Variants in CES5A observed in about 807,000 individuals in gnomAD.
CES5A encodes carboxylesterase 5A.
A neutral mutation model predicts 62.9 loss-of-function variants in CES5A; 67 were observed. The observed-to-expected ratio is 1.07, with a 90% confidence interval of 0.88 to 1.31. The LOEUF (loss-of-function observed/expected upper bound fraction) is 1.31, where lower values mean the gene tolerates loss of function less well. Ranked by LOEUF, CES5A falls within the 50% of genes most tolerant of loss-of-function variation. The pLI is 0.00. For synonymous variants in CES5A, 296 were observed against 280.8 expected (o/e 1.05, Z -0.54); for missense variants, 748 against 708.5 (o/e 1.06, Z -0.63).
chr16:55,869,681 C>A lies in CES5A; in HGVS notation c.481G>T (p.Ala161Ser), dbSNP rs552972383. Reference protein sequence around the residue: ...TGSASIFDGSALAAYEDVLVV... With the variant: ...TGSASIFDGSSLAAYEDVLVV... ...AGCACGTCCTCATAGGCAGCCAGGG[C>A]GGACCCATCAAAGATGGAGGCTGAG... is the stretch of plus-strand genomic sequence containing the variant. Residue 161 changes from alanine (A) to serine (S), a missense_variant, in exon 4 of 13, where the codon GCC becomes TCC. Coordinates refer to ENST00000290567, the MANE Select transcript of CES5A (RefSeq NM_001143685.2). 5.6e-6 allele frequency: 9 copies of A among 1,610,226 alleles called. No individual in the cohort carries two copies. In the African/African-American group the frequency reaches 6.7e-5, roughly 12 times the overall value.
At chr16:55,923,974 C>G (rs998082074) in intron 1 of CES5A, among the ~76,000 whole-genome samples, 4 of 151,650 alleles carry the variant, frequency 2.6e-5, no homozygotes, top group Non-Finnish European at 5.9e-5. Context: ...GAATGGGAAA[C>G]AATTAAAGGC....
intron 1 of CES5A, among the ~76,000 whole-genome samples, chr16:55,919,518 T>C (rs2034180604): frequency 6.6e-6 from 1 of 152,172 alleles, no homozygotes; most frequent in Non-Finnish European, 1.5e-5. Flanking sequence ...CTCCTACGAC[T>C]CTCAGCCCAG....
chr16:55,937,425 T>G (rs1318727556), intron 2 of CES5A, among the ~76,000 whole-genome samples: 1 of 152,254 alleles, frequency 6.6e-6, no homozygotes, highest in African/African-American at 2.4e-5. Flanking sequence ...GCCTCCATCC[T>G]GAAGTGACAT....
chr16:55,954,389 C>T (rs2034587320), intron 1 of CES5A, among the ~76,000 whole-genome samples: 1 of 152,194 alleles, frequency 6.6e-6, no homozygotes, highest in African/African-American at 2.4e-5. Flanking sequence ...AGCCTGGAGA[C>T]ACGCTAAAGC....
intron 2 of CES5A, among the ~76,000 whole-genome samples, chr16:55,931,842 G>A (rs2034315698): frequency 1.3e-5 from 2 of 152,300 alleles, no homozygotes; most frequent in South Asian, 4.1e-4. Flanking sequence ...CTCTGATGCT[G>A]AATCATGTGA....
chr16:55,846,916 T>A, intron 11 of CES5A, 76 bp from the exon 12 acceptor site: 1 of 1,131,846 alleles, frequency 8.8e-7, no homozygotes, highest in Non-Finnish European at 1.3e-6. Flanking sequence ...ATTTGATTAA[T>A]CCTTTTCACA....
chr16:55,851,909 C>T lies in CES5A; in HGVS notation c.1273+972G>A, dbSNP rs538668692. Among the ~76,000 whole-genome samples the T allele has an allele frequency of 1.6e-4, 25 of 152,304 alleles. No homozygotes were observed. In the East Asian group the frequency reaches 4.8e-3, roughly 29 times the overall value. On this transcript the variant is annotated intron_variant, in intron 10 of 12. Coordinates refer to ENST00000290567, the MANE Select transcript of CES5A (RefSeq NM_001143685.2). Reference sequence around the variant, plus strand: ...GTACAGCATATAGGAATCCTGAGACCTTATGCTACGTGAAATAAGCCAGAC... The same window carrying T: ...GTACAGCATATAGGAATCCTGAGACTTTATGCTACGTGAAATAAGCCAGAC...
intron 2 of CES5A, among the ~76,000 whole-genome samples, chr16:55,931,564 T>C (rs1041323780): frequency 6.6e-6 from 1 of 152,230 alleles, no homozygotes; most frequent in East Asian, 1.9e-4. Flanking sequence ...CATTCTGGAC[T>C]GGCCTTAACC....
At chr16:55,914,590 C>G (rs1363856057) in intron 1 of CES5A, among the ~76,000 whole-genome samples, 1 of 152,190 alleles carries the variant, frequency 6.6e-6, no homozygotes, top group African/African-American at 2.4e-5. Context: ...TAAGGACACC[C>G]AGGGTTCTAT....
intron 1 of CES5A, among the ~76,000 whole-genome samples, chr16:55,917,625 A>G (rs1177811267): frequency 6.6e-6 from 1 of 152,230 alleles, no homozygotes; most frequent in Non-Finnish European, 1.5e-5. Context: ...GGCTTGCTTC[A>G]GGGCAAGGGA....
At chr16:55,919,530 A>G (rs1433861875) in intron 1 of CES5A, among the ~76,000 whole-genome samples, 1 of 151,970 alleles carries the variant, frequency 6.6e-6, no homozygotes, top group Admixed American at 6.6e-5. Context: ...TCAGCCCAGA[A>G]CCCTGCACCC....
chr16:55,915,440 G>A (rs951425491), intron 1 of CES5A, among the ~76,000 whole-genome samples: 3 of 152,256 alleles, frequency 2.0e-5, no homozygotes, highest in South Asian at 4.2e-4. Context: ...AGAAAAGAAA[G>A]GGGGAGGACA....
intron 4 of CES5A, among the ~76,000 whole-genome samples, chr16:55,866,657 C>CAA (rs1567330836): frequency 2.9e-5 from 2 of 69,514 alleles, no homozygotes; most frequent in Admixed American, 1.2e-4. Context: ...TCTGTCTCTG[C>CAA]TAAAAAAAAA....
intron 2 of CES5A, among the ~76,000 whole-genome samples, chr16:55,934,383 G>A (rs183897568): frequency 1.8e-3 from 280 of 152,274 alleles, no homozygotes; most frequent in African/African-American, 6.3e-3. Flanking sequence ...GTGTCATCAC[G>A]TGGAATGGAG....
At chr16:55,865,486 G>A (rs1458677982) in intron 5 of CES5A, among the ~76,000 whole-genome samples, 3 of 152,172 alleles carry the variant, frequency 2.0e-5, no homozygotes, top group African/African-American at 7.2e-5. Context: ...TTTGCAGGTG[G>A]TTTATGCAAG....
At chr16:55,875,521 G>T (rs551676313), upstream of CES5A, among the ~76,000 whole-genome samples, 5 of 152,342 alleles carry the variant, frequency 3.3e-5, no homozygotes, top group African/African-American at 1.2e-4. Context: ...GACCAGGCAA[G>T]ACATTTTAAG....
At chr16:55,920,250 T>C (rs1484888080) in intron 1 of CES5A, among the ~76,000 whole-genome samples, 1 of 152,292 alleles carries the variant, frequency 6.6e-6, no homozygotes, top group East Asian at 1.9e-4. Flanking sequence ...TCCAACTCAC[T>C]GTTTCTACAC....
At chr16:55,941,236 A>G (rs1032613566) in intron 2 of CES5A, among the ~76,000 whole-genome samples, 1 of 152,102 alleles carries the variant, frequency 6.6e-6, no homozygotes, top group Non-Finnish European at 1.5e-5. Context: ...ATAGCGTTCT[A>G]TACAGAAAAT....
chr16:55,948,364 T>C (rs2034519233), intron 2 of CES5A, among the ~76,000 whole-genome samples: 1 of 152,170 alleles, frequency 6.6e-6, no homozygotes, highest in Non-Finnish European at 1.5e-5. Context: ...AACAGTCAAT[T>C]ATGCATCCGT....
Sources: allele counts gnomAD v4.1 joint callset (sites outside exome capture counted in the v4.1 genomes callset), GRCh38; gene constraint gnomAD v4.1.1; transcripts MANE v1.5; gene names NCBI Gene and HGNC (gene_info 2026-07-23, HGNC 2026-07-21).